Variants in CCDC15 observed in about 807,000 individuals in gnomAD.
CCDC15 encodes the protein coiled-coil domain-containing protein 15.
A neutral mutation model predicts 114.5 loss-of-function variants in CCDC15; 105 were observed. The observed-to-expected ratio is 0.92, with a 90% CI of 0.78 to 1.08. The LOEUF (loss-of-function observed/expected upper bound fraction) is 1.08, where lower values mean the gene tolerates loss of function less well. CCDC15 is among the 50% of genes least tolerant of loss of function. The probability of loss-of-function intolerance (pLI) is 0.00; values close to 1 mark genes in which losing one functional copy is unlikely to be tolerated. For missense variants in CCDC15, 1,105 were observed against 1,093.6 expected (o/e 1.01, Z -0.15); for synonymous variants, 334 against 377.8 (o/e 0.88, Z 1.34).
intron 13 of CCDC15, among the ~76,000 whole-genome samples, chr11:125,017,047 A>G (rs561280791): frequency 5.3e-4 from 80 of 152,332 alleles, no homozygotes; most frequent in African/African-American, 1.9e-3. Context: ...TAAATCATTT[A>G]TGCCTTCTTT....
rs778320476 is a variant in CCDC15 at position 124,988,144 on chromosome 11, A to T, written c.1908+10A>T. 5 of 1,594,148 alleles carry T rather than the reference A, an allele frequency of 3.1e-6. No homozygotes were observed. The highest frequency in any genetic ancestry group is 8.5e-7 in the Non-Finnish European group (1 of 1,172,570). ...TCTACCAAAATATCAGGTAAAATAG[A>T]GCAGAAAGGAGATACAAAAAGAAGA... On this transcript the variant is annotated intron_variant, in intron 8 of 15. Coordinates refer to ENST00000344762, the MANE Select transcript of CCDC15 (RefSeq NM_025004.3).
chr11:124,988,380 A>T (rs1948212503), intron 8 of CCDC15, among the ~76,000 whole-genome samples: 1 of 152,246 alleles, frequency 6.6e-6, no homozygotes, highest in Non-Finnish European at 1.5e-5. Context: ...TAAAAAAAGT[A>T]CATACCTTAA....
At chr11:125,023,763 CAT>C (rs1948677264) in intron 13 of CCDC15, among the ~76,000 whole-genome samples, 1 of 152,064 alleles carries the variant, frequency 6.6e-6, no homozygotes, top group African/African-American at 2.4e-5. Context: ...TGAATGGAAA[CAT>C]AACGTGTGGC....
chr11:124,971,756 A>T (rs1458047111), intron 4 of CCDC15, among the ~76,000 whole-genome samples: 1 of 152,114 alleles, frequency 6.6e-6, no homozygotes, highest in African/African-American at 2.4e-5. Flanking sequence ...ACATTTCCTC[A>T]TCTTCCTCAG....
At chr11:125,001,636 T>C (rs1348780533) in intron 11 of CCDC15, among the ~76,000 whole-genome samples, 4 of 152,228 alleles carry the variant, frequency 2.6e-5, no homozygotes, top group Admixed American at 2.0e-4. Context: ...GGGTAGTCTA[T>C]GTAAAGGAGA....
Position 124,983,503 on chromosome 11 carries a change from G to T in CCDC15, c.754-3239G>T, listed in dbSNP as rs935574160. Among the ~76,000 whole-genome samples the T allele has an allele frequency of 7.2e-5, 11 of 152,054 alleles. No individual in the cohort carries two copies. In the East Asian group the frequency reaches 7.7e-4, roughly 11 times the overall value. On this transcript the variant is annotated intron_variant, in intron 6 of 15. Coordinates refer to ENST00000344762, the MANE Select transcript of CCDC15 (RefSeq NM_025004.3). ...CTTGGGGGTTTGATTCTGGTATAAG[G>T]GGGAGTCAGTTGACTGGCTTCATTT...
At chr11:125,003,812 C>A in intron 11 of CCDC15, 55 bp from the exon 12 acceptor site, 2 of 930,782 alleles carry the variant, frequency 2.1e-6, no homozygotes, top group African/African-American at 1.7e-5. Context: ...CAAAATTGTT[C>A]ATGGGGTAGT....
chr11:125,024,116 A>G (rs1948679525), intron 13 of CCDC15, among the ~76,000 whole-genome samples: 1 of 152,066 alleles, frequency 6.6e-6, no homozygotes, highest in African/African-American at 2.4e-5. Context: ...GTGTGTTTAT[A>G]TATACATACG....
Position 125,031,471 on chromosome 11 carries a change from G to C in CCDC15, c.2412-6960G>C, listed in dbSNP as rs192711136. 3.9e-5 allele frequency among the ~76,000 whole-genome samples: 6 copies of C among 152,312 alleles called. No homozygotes were observed. The East Asian group carries it at 9.7e-4, about 25-fold the overall frequency. ...CCCTTCCATTTGATGATGGAATGCT[G>C]CTGTGTACCCACTTTATGGCTAGAT... On this transcript the variant is annotated intron_variant, in intron 13 of 15. Coordinates refer to ENST00000344762, the MANE Select transcript of CCDC15 (RefSeq NM_025004.3).
chr11:124,968,890 C>T (rs1001033518), intron 4 of CCDC15, among the ~76,000 whole-genome samples: 1 of 152,102 alleles, frequency 6.6e-6, no homozygotes, highest in Non-Finnish European at 1.5e-5. Context: ...TCAGACTGAT[C>T]ATTTTATTTT....
chr11:125,034,553 C>T (rs902704855), intron 13 of CCDC15, among the ~76,000 whole-genome samples: 4 of 152,178 alleles, frequency 2.6e-5, no homozygotes, highest in African/African-American at 9.7e-5. Context: ...TTTCTTTCAT[C>T]ACTTTGTCCA....
intron 13 of CCDC15, among the ~76,000 whole-genome samples, chr11:125,007,414 A>G (rs982062987): frequency 2.0e-5 from 3 of 152,130 alleles, no homozygotes; most frequent in Non-Finnish European, 4.4e-5. Flanking sequence ...ACAGGATTTC[A>G]TTCTTTTTAT....
intron 11 of CCDC15, among the ~76,000 whole-genome samples, chr11:125,001,293 T>G (rs117614547): frequency 0.024 from 3,628 of 152,340 alleles, 64 homozygotes; most frequent in Middle Eastern, 0.061. Context: ...TTCACAGCTC[T>G]GTGCATGTCT....
At position 124,965,577 on chromosome 11, in the gene CCDC15, CT is replaced by C. The variant is rs773780748; in HGVS notation, c.516+5578del. On this transcript the variant is annotated intron_variant, in intron 4 of 15. Coordinates refer to ENST00000344762, the MANE Select transcript of CCDC15 (RefSeq NM_025004.3). ...CTAGCGGTCTATCAATTTTGTTGAT[CT>C]TTTCAAAAAACCAGCTCCTGGATTC... 2.1e-3 allele frequency among the ~76,000 whole-genome samples: 316 copies of C among 152,110 alleles called. 3 individuals are homozygous for C. The highest frequency in any genetic ancestry group is 1.7e-3 in the Non-Finnish European group (115 of 67,990).
At position 124,959,287 on chromosome 11, in the gene CCDC15, G is replaced by A. The variant is rs1358537877; in HGVS notation, c.327+23G>A. The A allele has an allele frequency of 3.2e-6, 5 of 1,543,010 alleles. No individual in the cohort carries two copies. The African/African-American group carries it at 4.2e-5, about 13-fold the overall frequency. The stretch of plus-strand genomic sequence containing the variant: ...AGAGTAAGTTCAAAAGTGAGCCTGA[G>A]TAAAGATTGAATGGAAAATATGTGT... On this transcript the variant is annotated intron_variant, in intron 3 of 15. Coordinates refer to ENST00000344762, the MANE Select transcript of CCDC15 (RefSeq NM_025004.3).
chr11:125,003,544 T>A (rs1340783992), intron 11 of CCDC15, among the ~76,000 whole-genome samples: 1 of 152,012 alleles, frequency 6.6e-6, no homozygotes, highest in Non-Finnish European at 1.5e-5. Flanking sequence ...TATCCTAGAT[T>A]CTATTCCAAG....
At chr11:125,026,663 G>C (rs1345457393) in intron 13 of CCDC15, among the ~76,000 whole-genome samples, 1 of 152,118 alleles carries the variant, frequency 6.6e-6, no homozygotes, top group African/African-American at 2.4e-5. Context: ...TCTGTTAACT[G>C]TTAAGCAACT....
chr11:125,040,852 A>G lies in CCDC15; in HGVS notation c.*141A>G. The G allele has an allele frequency of 3.9e-6, 3 of 768,448 alleles. No individual in the cohort carries two copies. Among genetic ancestry groups the G allele is most frequent in the Non-Finnish European group, 6.1e-6 (3 of 494,312 alleles). 47.6% of individuals were successfully genotyped at this position (768,448 alleles called of 1,614,324 possible). On this transcript the variant is annotated 3_prime_UTR_variant, in exon 16 of 16. Coordinates refer to ENST00000344762, the MANE Select transcript of CCDC15 (RefSeq NM_025004.3). ...CTCATATAATAATTAGATTGTAATCATTGTTTTAATCTCTGTCTGGGAACC... is the reference window on the plus strand; with the variant it reads ...CTCATATAATAATTAGATTGTAATCGTTGTTTTAATCTCTGTCTGGGAACC...
chr11:124,987,946 C>G lies in CCDC15; in HGVS notation c.1720C>G (p.Gln574Glu). The change falls in exon 8 of 16, where the codon CAA becomes GAA. Residue 574 changes from glutamine to glutamate, a missense_variant. Coordinates refer to ENST00000344762, the MANE Select transcript of CCDC15 (RefSeq NM_025004.3). ...PRDQGVLPKDQNILPICQDQD... is the reference protein window; with the variant it reads ...PRDQGVLPKDENILPICQDQD... ...AGACCAAGGTGTTCTTCCCAAAGAC[C>G]AAAATATTCTACCCATATGTCAGGA... 1 of 1,613,792 alleles carries G rather than the reference C, an allele frequency of 6.2e-7. No individual in the cohort carries two copies. The highest frequency in any genetic ancestry group is 8.5e-7 in the Non-Finnish European group (1 of 1,179,846).
Sources: allele counts gnomAD v4.1 joint callset (sites outside exome capture counted in the v4.1 genomes callset), GRCh38; gene constraint gnomAD v4.1.1; transcripts MANE v1.5; gene names NCBI Gene and HGNC (gene_info 2026-07-23, HGNC 2026-07-21).